GHRHR: variants seen among roughly 807,000 people sequenced by gnomAD.
GHRHR encodes growth hormone-releasing hormone receptor.
GHRHR carries 40 observed loss-of-function variants against 58.3 expected under a neutral mutation model. The ratio of observed to expected loss-of-function variants is 0.69; its 90% CI spans 0.53 to 0.89. The LOEUF (loss-of-function observed/expected upper bound fraction) is 0.89, where lower values mean the gene tolerates loss of function less well. Ranked by LOEUF, GHRHR falls within the 40% of genes least tolerant of loss-of-function variation. The pLI, the probability that GHRHR is intolerant of heterozygous loss-of-function variation, is 0.00. For missense variants in GHRHR, 551 were observed against 541.3 expected (o/e 1.02, Z -0.18); for synonymous variants, 249 against 216.6 (o/e 1.15, Z -1.31).
intron 1 of GHRHR, among the ~76,000 whole-genome samples, chr7:30,967,335 C>G (rs1017413849): frequency 1.3e-5 from 2 of 152,188 alleles, no homozygotes; most frequent in African/African-American, 2.4e-5. Context: ...CAATGGATCT[C>G]TAGCTGGTTC....
intron 1 of GHRHR, among the ~76,000 whole-genome samples, chr7:30,964,660 A>T (rs1324279006): frequency 6.6e-6 from 1 of 152,118 alleles, no homozygotes; most frequent in Admixed American, 6.5e-5. Flanking sequence ...GAACCTAAGG[A>T]GTTGGTGGAG....
intron 5 of GHRHR, 112 bp from the exon 6 acceptor site, chr7:30,971,851 T>C: frequency 1.0e-6 from 1 of 954,144 alleles, no homozygotes; most frequent in Non-Finnish European, 1.7e-6. Context: ...TTCAGTTTGA[T>C]TGCATCCAGT....
At position 30,975,033 on chromosome 7, in the gene GHRHR, C is replaced by G. The variant is rs527387367; in HGVS notation, c.875C>G (p.Ser292Trp). 2.4e-5 allele frequency: 39 copies of G among 1,609,324 alleles called. No individual in the cohort carries two copies. In the South Asian group the frequency reaches 4.1e-4, roughly 17 times the overall value. Reference protein sequence around the residue: ...WWIIKGPIVLSVGVNFGLFLN... With the variant: ...WWIIKGPIVLWVGVNFGLFLN... Reference sequence around the variant, plus strand: ...ATCATCAAAGGGCCCATTGTCCTCTCGGTCGGGGTCAGTCCCTGGGCCAGT... The same window carrying G: ...ATCATCAAAGGGCCCATTGTCCTCTGGGTCGGGGTCAGTCCCTGGGCCAGT... The change falls in exon 9 of 13, where the codon TCG (serine) becomes TGG (tryptophan). Residue 292 changes from serine to tryptophan, a missense_variant. Transcript: ENST00000326139.
At position 30,969,173 on chromosome 7, in the gene GHRHR, G is replaced by C; in HGVS notation, c.268+3G>C. 1 of 1,538,380 alleles carries C rather than the reference G, an allele frequency of 6.5e-7. No individual in the cohort carries two copies. The highest frequency in any genetic ancestry group is 8.8e-7 in the Non-Finnish European group (1 of 1,133,234). ...CTCTCACTTCAGCTCAGAGTCAGGT[G>C]AGGGGTGCTGGGTGTGGCGGTGGGA... On this transcript the variant is annotated splice_donor_region_variant and intron_variant, in intron 3 of 12. Transcript: ENST00000326139.
At chr7:30,966,294 C>CTG (rs538747180) in intron 1 of GHRHR, among the ~76,000 whole-genome samples, 115 of 151,774 alleles carry the variant, frequency 7.6e-4, no homozygotes, top group Non-Finnish European at 1.3e-3. Flanking sequence ...GGTCTTACAT[C>CTG]TGCTACACTA....
In GHRHR at chr7:30,972,081, T is replaced by C. The variant is rs750825992; in HGVS notation, c.583T>C (p.Cys195Arg). The stretch of plus-strand genomic sequence containing the variant: ...TTTCCACAGCGACGACACTGACCAC[T>C]GCAGCTTCTCCACTGTAATGGCCAT... ...ALFHSDDTDH[C>R]SFSTVLCKVS... The change falls in exon 6 of 13, where the codon TGC becomes CGC. Residue 195 changes from cysteine (C) to arginine (R), a missense_variant. Coordinates refer to ENST00000326139, the MANE Select transcript of GHRHR (RefSeq NM_000823.4). 2 of 1,613,964 alleles carry C rather than the reference T, an allele frequency of 1.2e-6. No individual in the cohort carries two copies. The highest frequency in any genetic ancestry group is 2.2e-5 in the East Asian group (1 of 44,874).
At chr7:30,964,168 C>T in intron 1 of GHRHR, 43 bp downstream of exon 1, 7 of 1,523,284 alleles carry the variant, frequency 4.6e-6, no homozygotes, top group East Asian at 2.5e-5. Flanking sequence ...CCACTGGGCT[C>T]CAGATTTGGG....
At chr7:30,977,080 C>T (rs113644099) in intron 11 of GHRHR, among the ~76,000 whole-genome samples, 20 of 152,302 alleles carry the variant, frequency 1.3e-4, no homozygotes, top group African/African-American at 4.6e-4. Context: ...ACAGTACAGC[C>T]CTGGCAGGCT....
Position 30,975,761 on chromosome 7 carries a change from A to G in GHRHR, c.883-16A>G, listed in dbSNP as rs529210405. ...CCTGACCCTTGTCTTCCACCTTCCT[A>G]TGCCTCTATTTCCAGGTGAACTTTG... On this transcript the variant is annotated splice_polypyrimidine_tract_variant and intron_variant, in intron 9 of 12. Coordinates refer to ENST00000326139, the MANE Select transcript of GHRHR (RefSeq NM_000823.4). 3 of 1,520,388 alleles carry G rather than the reference A, an allele frequency of 2.0e-6. No homozygotes were observed. The South Asian group carries it at 3.4e-5, about 17-fold the overall frequency. 94.2% of individuals were successfully genotyped at this position (1,520,388 alleles called of 1,614,324 possible).
At chr7:30,976,615 G>A in intron 11 of GHRHR, 57 bp downstream of exon 11, 1 of 1,518,666 alleles carries the variant, frequency 6.6e-7, no homozygotes, top group South Asian at 1.1e-5. Flanking sequence ...GGGAGGTGCT[G>A]TTGCCCACGG....
rs1325798067 is a variant in GHRHR, at chr7:30,968,907, C to T, written c.131C>T (p.Ala44Val). ...GAGGATGAGAGTGCCTGTCTACAAG[C>T]AGCAGAGGAGATGCCCAACACCACC... ...LREDESACLQ[A>V]AEEMPNTTLG... is the part of the protein sequence containing the mutation. The change falls in exon 2 of 13, where the codon GCA becomes GTA. Residue 44 changes from alanine (A) to valine (V), a missense_variant. Coordinates refer to ENST00000326139, the MANE Select transcript of GHRHR (RefSeq NM_000823.4). 6.2e-7 allele frequency: 1 copy of T among 1,613,546 alleles called. No individual in the cohort carries two copies. The highest frequency in any genetic ancestry group is 8.5e-7 in the Non-Finnish European group (1 of 1,179,662).
rs139773978 is a variant in GHRHR, at chr7:30,969,584, T to C, written c.269-283T>C. On this transcript the variant is annotated intron_variant, in intron 3 of 12. Transcript: ENST00000326139. The stretch of plus-strand genomic sequence containing the variant: ...CAGTGAGGGCCTCTTTTCTCCCTAC[T>C]GCCCTTAGGATGCTGGCAGCCCAGC... 2,646 of 605,850 alleles carry C rather than the reference T, an allele frequency of 4.4e-3. 13 individuals carry two copies. Among genetic ancestry groups the C allele is most frequent in the Non-Finnish European group, 6.2e-3 (2,112 of 341,930 alleles). The allele number at this position is 605,850 out of a possible 1,614,324, so 37.5% of individuals were successfully genotyped here.
At chr7:30,972,649 A>G (rs1292797176) in intron 6 of GHRHR, among the ~76,000 whole-genome samples, 1 of 152,140 alleles carries the variant, frequency 6.6e-6, no homozygotes, top group Admixed American at 6.5e-5. Context: ...CAAACTCTCA[A>G]AGACAGGAGG....
At chr7:30,976,669 C>A in intron 11 of GHRHR, 111 bp downstream of exon 11, 1 of 892,646 alleles carries the variant, frequency 1.1e-6, no homozygotes, top group Non-Finnish European at 1.8e-6. Context: ...TGTTTTTCAT[C>A]CATCTATTCA....
At chr7:30,972,292 G>A (rs1319826605) in intron 6 of GHRHR, among the ~76,000 whole-genome samples, 197 bp downstream of exon 6, 3 of 152,102 alleles carry the variant, frequency 2.0e-5, no homozygotes, top group Non-Finnish European at 4.4e-5. Flanking sequence ...CTGTGGTGTC[G>A]ATCCATGTCA....
rs1562595277 is a variant in GHRHR, at chr7:30,976,041, G to A, written c.974+173G>A. On this transcript the variant is annotated intron_variant, in intron 10 of 12. Coordinates refer to ENST00000326139, the MANE Select transcript of GHRHR (RefSeq NM_000823.4). ...CTTCTAGGGGATCACAATATTGGAA[G>A]GATGAGGACTCCAAACAGCCAGCTC... 8.8e-5 allele frequency: 56 copies of A among 635,848 alleles called. 1 individual carries two copies. In the South Asian group the frequency reaches 1.0e-3, roughly 12 times the overall value. 39.4% of individuals were successfully genotyped at this position (635,848 alleles called of 1,614,324 possible).
chr7:30,975,087 TG>T (rs1444952601), intron 9 of GHRHR, 47 bp downstream of exon 9: 2 of 1,248,246 alleles, frequency 1.6e-6, no homozygotes, highest in Admixed American at 1.7e-5. Flanking sequence ...TCAACTTCCC[TG>T]GAACTACTGA....
At position 30,979,163 on chromosome 7, in the gene GHRHR, G is replaced by A. The variant is rs1241072853; in HGVS notation, c.1191G>A (p.Glu397=). 14 of 1,613,764 alleles carry A rather than the reference G, an allele frequency of 8.7e-6. No individual in the cohort carries two copies. Among genetic ancestry groups the A allele is most frequent in the Non-Finnish European group, 1.0e-5 (12 of 1,179,754 alleles). The change falls in exon 13 of 13, where the codon GAG becomes GAA. Residue 397 remains glutamate, a synonymous_variant. Coordinates refer to ENST00000326139, the MANE Select transcript of GHRHR (RefSeq NM_000823.4). ...ISRKWHGHDP[E]LLPAWRTRAK... is the part of the protein sequence containing the mutation. The stretch of plus-strand genomic sequence containing the variant: ...GGAAGTGGCATGGCCATGACCCTGA[G>A]CTTCTGCCAGCCTGGAGGACCCGTG...
intron 3 of GHRHR, 72 bp from the exon 4 acceptor site, chr7:30,969,791 ATGGT>A: frequency 7.0e-7 from 1 of 1,423,564 alleles, no homozygotes; most frequent in Non-Finnish European, 9.9e-7. Context: ...GGGTCACTTG[ATGGT>A]CCCTGGCACC....
Sources: gnomAD v4.1 joint callset for allele counts (sites outside exome capture counted in the v4.1 genomes callset) on GRCh38, gnomAD v4.1.1 for gene constraint, MANE v1.5 for transcripts, NCBI Gene and HGNC (gene_info 2026-07-23, HGNC 2026-07-21) for gene names.